DNAH11: variants seen among roughly 807,000 people sequenced by gnomAD.
DNAH11 encodes axonemal beta dynein heavy chain 11.
DNAH11 carries 442 observed loss-of-function variants against 526.0 expected under a neutral mutation model. The ratio of observed to expected loss-of-function variants is 0.84; its 90% CI spans 0.78 to 0.91. The LOEUF (loss-of-function observed/expected upper bound fraction) is 0.91, where lower values mean the gene tolerates loss of function less well. Ranked by LOEUF, DNAH11 falls within the 40% of genes least tolerant of loss-of-function variation. The pLI, the probability that DNAH11 is intolerant of heterozygous loss-of-function variation, is 0.00. For synonymous variants in DNAH11, 2,461 were observed against 1,935.9 expected, an observed-to-expected ratio of 1.27 and a Z score of -7.12; for missense variants, 6,989 against 5,448.7, an observed-to-expected ratio of 1.28 and a Z score of -8.90.
At chr7:21,861,488 CTACTG>C (rs757441742) in intron 68 of DNAH11, among the ~76,000 whole-genome samples, 3 of 152,220 alleles carry the variant, frequency 2.0e-5, no homozygotes, top group Non-Finnish European at 2.9e-5. Flanking sequence ...ATACTTAACA[CTACTG>C]AACTGAATGT....
rs753357981 is a variant in DNAH11 at position 21,570,160 on chromosome 7, C to A, written c.1286C>A (p.Thr429Asn). Residue 429 changes from threonine to asparagine, a missense_variant, in exon 7 of 82, where the codon ACT becomes AAT. Physicochemically the swap from Thr to Asn is moderately conservative, Grantham distance 65. Transcript: ENST00000409508. ...CAGGTGGCTGTTAACATCTTAAAGA[C>A]TTTCAAAAACTCCTTTTTCAACTAT... is the stretch of plus-strand genomic sequence containing the variant. ...KVQVAVNILK[T>N]FKNSFFNYRK... 1 of 1,613,404 alleles carries A rather than the reference C, an allele frequency of 6.2e-7. No homozygotes were observed. The highest frequency in any genetic ancestry group is 8.5e-7 in the Non-Finnish European group (1 of 1,179,680).
In DNAH11 at chr7:21,899,979, G is replaced by GCAAT. The variant is rs766922403; in HGVS notation, c.13165_13168dup (p.Met4390AsnfsTer10). The GCAAT allele has an allele frequency of 8.1e-6, 13 of 1,613,512 alleles. No homozygotes were observed. The East Asian group carries it at 8.9e-5, about 11-fold the overall frequency. On this transcript the variant is annotated frameshift_variant and splice_region_variant. Transcript: ENST00000409508. LOFTEE classifies it high-confidence loss of function. Reference sequence around the variant, plus strand: ...ATTCAATTTTTGTTATATTTCCAAAGCAATCATGCAGACGATGGCTCGAAA... The same window carrying GCAAT: ...ATTCAATTTTTGTTATATTTCCAAAGCAATCAATCATGCAGACGATGGCTCGAAA...
chr7:21,740,765 G>A (rs12700301), intron 48 of DNAH11, among the ~76,000 whole-genome samples: 86,304 of 151,718 alleles, frequency 0.57, 26,100 homozygotes, highest in Non-Finnish European at 0.69. Context: ...GCATCATATC[G>A]GAATTCTACT....
chr7:21,575,455 A>T (rs566720168), intron 8 of DNAH11, among the ~76,000 whole-genome samples: 2 of 152,204 alleles, frequency 1.3e-5, no homozygotes, highest in African/African-American at 2.4e-5. Context: ...GAACGAGTCT[A>T]TTGTTCTGCT....
At chr7:21,861,741 C>A in intron 68 of DNAH11, 112 bp from the exon 69 acceptor site, 1 of 1,257,752 alleles carries the variant, frequency 8.0e-7, no homozygotes, top group Non-Finnish European at 1.1e-6. Context: ...AAAAATTTTG[C>A]CTCATTCTCA....
At chr7:21,799,306 G>C (rs1394700866) in intron 61 of DNAH11, among the ~76,000 whole-genome samples, 2 of 151,812 alleles carry the variant, frequency 1.3e-5, no homozygotes, top group Non-Finnish European at 2.9e-5. Flanking sequence ...TAATAACCCA[G>C]AATAGACCTG....
intron 8 of DNAH11, among the ~76,000 whole-genome samples, chr7:21,576,766 CAA>C (rs1438882192): frequency 6.6e-6 from 1 of 152,034 alleles, no homozygotes; most frequent in Non-Finnish European, 1.5e-5. Context: ...AATGTAAAAA[CAA>C]AGTGTTCAAT....
In DNAH11 at chr7:21,789,265, C is replaced by A. The variant is rs578184089; in HGVS notation, c.9949C>A (p.Arg3317Ser). 3 of 1,574,500 alleles carry A rather than the reference C, an allele frequency of 1.9e-6. No individual in the cohort carries two copies. Among genetic ancestry groups the A allele is most frequent in the African/African-American group, 1.4e-5 (1 of 73,932 alleles). Reference protein sequence around the residue: ...YEVYCDVEPKRQALAQANLEL... With the variant: ...YEVYCDVEPKSQALAQANLEL... ...GGTCTACTGTGATGTGGAGCCAAAA[C>A]GCCAAGCATTAGCCCAAGCAAACTT... The change falls in exon 61 of 82, where the codon CGC (arginine) becomes AGC (serine). Residue 3317 changes from arginine to serine, a missense_variant. Arg to Ser is a moderately radical substitution (Grantham distance 110, BLOSUM62 -1). Transcript: ENST00000409508.
At chr7:21,626,600 G>A (rs1215275607) in intron 25 of DNAH11, among the ~76,000 whole-genome samples, 1 of 151,950 alleles carries the variant, frequency 6.6e-6, no homozygotes. Flanking sequence ...CCACATCCTT[G>A]CCAGCAGCAT....
At chr7:21,693,278 CA>C (rs1350856667) in intron 35 of DNAH11, among the ~76,000 whole-genome samples, 1 of 152,200 alleles carries the variant, frequency 6.6e-6, no homozygotes, top group Non-Finnish European at 1.5e-5. Context: ...GATTGATTTT[CA>C]AATGCTAAAC....
rs780267681 is a variant in DNAH11 at position 21,704,525 on chromosome 7, C to T, written c.6365C>T (p.Pro2122Leu). Residue 2122 changes from proline (P) to leucine (L), a missense_variant, in exon 38 of 82, where the codon CCA becomes CTA. Pro to Leu is a moderately conservative substitution (Grantham distance 98). Coordinates refer to ENST00000409508, the MANE Select transcript of DNAH11 (RefSeq NM_001277115.2). ...CTGGGCCTGGTCGGTGACCTGTTTCCAGCCCTGGATGTGCCCCGGAGGAGG... is the reference window on the plus strand; with the variant it reads ...CTGGGCCTGGTCGGTGACCTGTTTCTAGCCCTGGATGTGCCCCGGAGGAGG... ...VFLGLVGDLF[P>L]ALDVPRRRKL... 1 of 1,613,800 alleles carries T rather than the reference C, an allele frequency of 6.2e-7. No homozygotes were observed. Among genetic ancestry groups the T allele is most frequent in the South Asian group, 1.1e-5 (1 of 91,060 alleles).
Position 21,742,087 on chromosome 7 carries a change from CAAT to C in DNAH11, c.8076_8078del (p.Met2694del), listed in dbSNP as rs1400575261. 2.5e-6 allele frequency: 4 copies of C among 1,613,930 alleles called. No homozygotes were observed. In the South Asian group the frequency reaches 3.3e-5, roughly 13 times the overall value. On this transcript the variant is annotated inframe_deletion, in exon 49 of 82. Transcript: ENST00000409508. ...CAGGCAACAATAGCATTCCATCAGA[CAAT>C]GATGTGTAACTTTTTACCCACGGCT...
At position 21,543,259 on chromosome 7, in the gene DNAH11, T is replaced by G; in HGVS notation, c.14T>G (p.Val5Gly). The part of the protein sequence containing the change: MAAQ[V>G]AAREARDFRE... ...GACGGTTGCCCAATGGCAGCCCAGG[T>G]GGCAGCCCGGGAGGCGCGAGACTTC... Residue 5 changes from valine to glycine, a missense_variant, in exon 1 of 82, where the codon GTG (valine) becomes GGG (glycine). Physicochemically the swap from Val to Gly is moderately radical, Grantham distance 109. Coordinates refer to ENST00000409508, the MANE Select transcript of DNAH11 (RefSeq NM_001277115.2). 6.5e-7 allele frequency: 1 copy of G among 1,538,302 alleles called. No homozygotes were observed. The highest frequency in any genetic ancestry group is 8.8e-7 in the Non-Finnish European group (1 of 1,141,338).
rs928335497 is a variant in DNAH11, at chr7:21,818,279, A to G, written c.10631A>G (p.Glu3544Gly). Residue 3544 changes from glutamate to glycine, a missense_variant, in exon 65 of 82, where the codon GAG becomes GGG. Glu to Gly is a moderately conservative substitution (Grantham distance 98). Transcript: ENST00000409508. ...FGDVILIENL[E>G]ETIDPVLDPL... is the part of the protein sequence containing the mutation. ...GATGTCATCTTAATTGAAAATCTCGAGGAAACGATAGATCCAGTCCTGGAT... is the reference window on the plus strand; with the variant it reads ...GATGTCATCTTAATTGAAAATCTCGGGGAAACGATAGATCCAGTCCTGGAT... The G allele has an allele frequency of 1.2e-5, 19 of 1,612,246 alleles. No homozygotes were observed. In the Admixed American group the frequency reaches 2.5e-4, roughly 21 times the overall value.
intron 73 of DNAH11, among the ~76,000 whole-genome samples, chr7:21,872,074 A>G (rs142907689): frequency 0.028 from 3,869 of 140,062 alleles, 94 homozygotes; most frequent in South Asian, 0.11. Context: ...CAGTGAGCCA[A>G]GATCGCACCA....
Position 21,770,293 on chromosome 7 carries a change from G to T in DNAH11, c.9103-3473G>T, listed in dbSNP as rs1262489790. On this transcript the variant is annotated intron_variant, in intron 55 of 81. Coordinates refer to ENST00000409508, the MANE Select transcript of DNAH11 (RefSeq NM_001277115.2). ...AAATCTAAACACAAAATTCATTTTT[G>T]TTTTATATACTCCTTATGCACATAG... 2.6e-5 allele frequency among the ~76,000 whole-genome samples: 4 copies of T among 152,222 alleles called. No homozygotes were observed. In the East Asian group the frequency reaches 5.8e-4, roughly 22 times the overall value.
At chr7:21,849,759 T>C (rs1029574443) in intron 66 of DNAH11, among the ~76,000 whole-genome samples, 1 of 152,186 alleles carries the variant, frequency 6.6e-6, no homozygotes, top group Non-Finnish European at 1.5e-5. Context: ...GTCTTTGATA[T>C]TATGCGGTTT....
intron 45 of DNAH11, among the ~76,000 whole-genome samples, chr7:21,728,301 A>G (rs1445672580): frequency 8.9e-6 from 1 of 112,728 alleles, no homozygotes; most frequent in Non-Finnish European, 1.6e-5. Flanking sequence ...TCTGTTGCCC[A>G]GGCTGGAGTG....
At chr7:21,810,478 T>C (rs1179138000) in intron 63 of DNAH11, among the ~76,000 whole-genome samples, 1 of 152,006 alleles carries the variant, frequency 6.6e-6, no homozygotes, top group East Asian at 1.9e-4. Flanking sequence ...TTTAGGGAAG[T>C]AGGAAAATGC....
Sources: gnomAD v4.1 joint callset for allele counts (sites outside exome capture counted in the v4.1 genomes callset) on GRCh38, gnomAD v4.1.1 for gene constraint, MANE v1.5 for transcripts, NCBI Gene and HGNC (gene_info 2026-07-23, HGNC 2026-07-21) for gene names.